Variants in EPHA10 observed in about 807,000 individuals in gnomAD.
EPHA10 encodes the protein ephrin type-A receptor 10.
EPHA10 carries 120 observed loss-of-function variants against 109.7 expected under a neutral mutation model. The observed-to-expected ratio is 1.09, with a 90% CI of 0.94 to 1.27. The LOEUF (loss-of-function observed/expected upper bound fraction) is 1.27, where lower values mean the gene tolerates loss of function less well. EPHA10 is among the 50% of genes most tolerant of loss of function. The pLI is 0.00. For missense variants in EPHA10, 1,396 were observed against 1,411.1 expected (o/e 0.99, Z 0.17); for synonymous variants, 640 against 618.9 (o/e 1.03, Z -0.51).
chr1:37,721,919 G>C, intron 10 of EPHA10, 74 bp from the exon 11 acceptor site: 2 of 1,379,128 alleles, frequency 1.5e-6, no homozygotes, highest in Non-Finnish European at 1.9e-6. Context: ...GAGCCGAGGA[G>C]AAAGTGACTC....
Position 37,761,880 on chromosome 1 carries a change from G to A in EPHA10, c.375C>T (p.Thr125=). 1.2e-6 allele frequency: 2 copies of A among 1,611,960 alleles called. No individual in the cohort carries two copies. The highest frequency in any genetic ancestry group is 8.5e-7 in the Non-Finnish European group (1 of 1,178,472). The stretch of plus-strand genomic sequence containing the variant: ...CAGTTTCCAGGTAGTAGACGTTGAA[G>A]GTCTCCTTGCAGGTACCCGCGGCGC... ...IPGAAGTCKE[T]FNVYYLETEA... Residue 125 remains threonine, a synonymous_variant, in exon 3 of 17, where the codon ACC becomes ACT. Transcript: ENST00000373048.
At chr1:37,761,172 G>C in intron 3 of EPHA10, 1 of 1,423,708 alleles carries the variant, frequency 7.0e-7, no homozygotes, top group East Asian at 2.6e-5. Context: ...CTAAGATATA[G>C]ATCCCTAATG....
At chr1:37,760,336 C>T (rs1646420570) in intron 3 of EPHA10, 1 of 1,048,388 alleles carries the variant, frequency 9.5e-7, no homozygotes, top group African/African-American at 1.7e-5. Flanking sequence ...CATCATCACC[C>T]TCTGTATCCA....
chr1:37,749,306 A>G (rs938436582), intron 5 of EPHA10, among the ~76,000 whole-genome samples: 1 of 152,110 alleles, frequency 6.6e-6, no homozygotes, highest in African/African-American at 2.4e-5. Flanking sequence ...TAGTATTTTT[A>G]TTGAGAAAAT....
chr1:37,732,146 G>C (rs187391752), intron 6 of EPHA10, among the ~76,000 whole-genome samples: 1 of 152,172 alleles, frequency 6.6e-6, no homozygotes, highest in Non-Finnish European at 1.5e-5. Flanking sequence ...GCCCCAGCTG[G>C]AGCCATCACT....
chr1:37,761,299 AC>A lies in EPHA10; in HGVS notation c.850+105del, dbSNP rs1382903585. 4.5e-6 allele frequency: 7 copies of A among 1,539,414 alleles called. No individual in the cohort carries two copies. In the East Asian group the frequency reaches 1.4e-4, roughly 30 times the overall value. Reference sequence around the variant, plus strand: ...GGGCTCCAGAGTCCAAGGCTTCTCCACCGCCCCCCGACCCCACACCCGCCTC... The same window carrying A: ...GGGCTCCAGAGTCCAAGGCTTCTCCACGCCCCCCGACCCCACACCCGCCTC... On this transcript the variant is annotated intron_variant, in intron 3 of 16. Transcript: ENST00000373048.
At chr1:37,743,207 G>T (rs1366047619) in intron 5 of EPHA10, among the ~76,000 whole-genome samples, 1 of 151,990 alleles carries the variant, frequency 6.6e-6, no homozygotes, top group African/African-American at 2.4e-5. Flanking sequence ...CAGAATAAGA[G>T]AATAGGAACA....
Position 37,746,259 on chromosome 1 carries a change from C to T in EPHA10, c.1357+6617G>A, listed in dbSNP as rs370086497. Among the ~76,000 whole-genome samples the T allele has an allele frequency of 3.7e-4, 56 of 152,186 alleles. 1 individual carries two copies. In the South Asian group the frequency reaches 0.011, roughly 31 times the overall value. On this transcript the variant is annotated intron_variant, in intron 5 of 16. Transcript: ENST00000373048. ...GGGATTACAGGCATGCACCACCATGCCCAGCTAATCTTGTATTTTTAGTAG... is the reference window on the plus strand; with the variant it reads ...GGGATTACAGGCATGCACCACCATGTCCAGCTAATCTTGTATTTTTAGTAG...
At position 37,724,505 on chromosome 1, in the gene EPHA10, C is replaced by T. The variant is rs188538505; in HGVS notation, c.1773-1133G>A. Reference sequence around the variant, plus strand: ...TGAGAAACCCCAACATCTAGGCTAGCGGAAGGAAGCACCAAGGACAGTACA... The same window carrying T: ...TGAGAAACCCCAACATCTAGGCTAGTGGAAGGAAGCACCAAGGACAGTACA... On this transcript the variant is annotated intron_variant, in intron 8 of 16. Transcript: ENST00000373048. Among the ~76,000 whole-genome samples the T allele has an allele frequency of 1.3e-3, 194 of 151,946 alleles. 1 individual carries two copies. The highest frequency in any genetic ancestry group is 2.1e-3 in the Non-Finnish European group (144 of 67,992).
downstream of EPHA10, chr1:37,715,019 C>T (rs1645671921): frequency 6.6e-6 from 1 of 152,316 alleles, no homozygotes; most frequent in African/African-American, 2.4e-5. Context: ...TCCTCTTTCA[C>T]TTGATTTCTC....
At chr1:37,757,447 C>T (rs190828979) in intron 3 of EPHA10, among the ~76,000 whole-genome samples, 25 of 152,272 alleles carry the variant, frequency 1.6e-4, no homozygotes, top group Non-Finnish European at 3.4e-4. Flanking sequence ...GTACACTGAG[C>T]TCATCCTTTC....
intron 15 of EPHA10, chr1:37,719,055 T>G: frequency 1.6e-6 from 1 of 614,462 alleles, no homozygotes; most frequent in Non-Finnish European, 2.9e-6. Context: ...CGGAACAGTC[T>G]GGGGTAGGAC....
At chr1:37,734,294 G>A (rs1307343241) in intron 6 of EPHA10, among the ~76,000 whole-genome samples, 1 of 152,166 alleles carries the variant, frequency 6.6e-6, no homozygotes, top group African/African-American at 2.4e-5. Context: ...AGCACTTTGG[G>A]AGGCTAAGGC....
rs932182097 is a variant in EPHA10, at chr1:37,764,848, A to G, written c.106+113T>C. Reference sequence around the variant, plus strand: ...AGTTCTTTGCTGCCTGCTTGCTTCAAGCCCCAATACAGACTCTAGTCTCTC... The same window carrying G: ...AGTTCTTTGCTGCCTGCTTGCTTCAGGCCCCAATACAGACTCTAGTCTCTC... On this transcript the variant is annotated intron_variant, in intron 1 of 16. Transcript: ENST00000373048. This position sits in a 1 kb window ranked among gnomAD's most constrained non-coding sequence, Gnocchi z 5.8. 2.3e-6 allele frequency: 2 copies of G among 882,920 alleles called. No homozygotes were observed. Among genetic ancestry groups the G allele is most frequent in the African/African-American group, 3.4e-5 (2 of 58,898 alleles). The allele number at this position is 882,920 out of a possible 1,614,324, so 54.7% of individuals were successfully genotyped here. A position where few individuals can be genotyped will look rare whatever the true frequency, so the allele number is the denominator to read the frequency against.
intron 5 of EPHA10, among the ~76,000 whole-genome samples, chr1:37,744,018 C>A (rs1432843859): frequency 1.3e-5 from 2 of 152,072 alleles, no homozygotes; most frequent in African/African-American, 4.8e-5. Context: ...TGAAGCACTA[C>A]AATCAGCAAC....
At chr1:37,726,803 TC>T (rs1354042702) in intron 8 of EPHA10, among the ~76,000 whole-genome samples, 1 of 152,238 alleles carries the variant, frequency 6.6e-6, no homozygotes, top group East Asian at 1.9e-4. Flanking sequence ...AGAATTCTAA[TC>T]ACACTGGAGC....
chr1:37,719,665 T>A (rs518583), intron 14 of EPHA10, 58 bp from the exon 15 acceptor site: 1 of 1,591,938 alleles, frequency 6.3e-7, no homozygotes. Flanking sequence ...GCATATGGTG[T>A]GTGCACACAC....
chr1:37,744,958 C>T (rs1646208466), intron 5 of EPHA10, among the ~76,000 whole-genome samples: 1 of 152,076 alleles, frequency 6.6e-6, no homozygotes, highest in African/African-American at 2.4e-5. Flanking sequence ...GAGAAAAACA[C>T]CTAGAGAGAT....
chr1:37,726,415 G>C (rs1645892309), intron 8 of EPHA10, among the ~76,000 whole-genome samples: 1 of 152,224 alleles, frequency 6.6e-6, no homozygotes, highest in African/African-American at 2.4e-5. Context: ...CTGCCAGGCA[G>C]TTTCAGGATG....
Sources: gnomAD v4.1 joint callset for allele counts (sites outside exome capture counted in the v4.1 genomes callset) on GRCh38, gnomAD v4.1.1 for gene constraint, Gnocchi (gnomAD v3.1) non-coding constraint, MANE v1.5 for transcripts, NCBI Gene and HGNC (gene_info 2026-07-23, HGNC 2026-07-21) for gene names.